Variants in ATP7B observed in about 807,000 individuals in gnomAD.
ATP7B encodes the protein ATPase copper transporting beta, also known as copper-transporting ATPase 2.
A neutral mutation model predicts 118.9 loss-of-function variants in ATP7B; 113 were observed. The ratio of observed to expected loss-of-function variants is 0.95; its 90% CI spans 0.82 to 1.11. ATP7B has a LOEUF of 1.11. ATP7B is among the 50% of genes most tolerant of loss of function. The pLI is 0.00. For missense variants in ATP7B, 1,867 were observed against 1,871.4 expected, an observed-to-expected ratio of 1.00 and a Z score of 0.04; for synonymous variants, 777 against 727.4, an observed-to-expected ratio of 1.07 and a Z score of -1.10.
rs1228359983 is a variant in ATP7B, at chr13:51,949,734, CATG to C, written c.2790_2792del (p.Ile930del). On this transcript the variant is annotated inframe_deletion, in exon 12 of 21. Coordinates refer to ENST00000242839, the MANE Select transcript of ATP7B (RefSeq NM_000053.4). ...TCCATACCACCAACGTCAAAGTTGA[CATG>C]ATGATGATAAATGGGACAAAATATC... is the stretch of plus-strand genomic sequence containing the variant. The C allele has an allele frequency of 1.2e-6, 2 of 1,613,978 alleles. No individual in the cohort carries two copies. Among genetic ancestry groups the C allele is most frequent in the Admixed American group, 1.7e-5 (1 of 60,000 alleles).
At position 51,966,777 on chromosome 13, in the gene ATP7B, C is replaced by A. The variant is rs1951571096; in HGVS notation, c.1707+1667G>T. 6.9e-6 allele frequency: 11 copies of A among 1,602,076 alleles called. No homozygotes were observed. In the South Asian group the frequency reaches 1.2e-4, roughly 18 times the overall value. On this transcript the variant is annotated intron_variant, in intron 4 of 20. Coordinates refer to ENST00000242839, the MANE Select transcript of ATP7B (RefSeq NM_000053.4). ...TTCAGCAGCTGGAAGGAAGATGGCG[C>A]CTGCTGGACAGCAAAGGCTTTGATG...
chr13:51,970,591 T>C lies in ATP7B; in HGVS notation c.1444A>G (p.Thr482Ala), dbSNP rs749804531. The C allele has an allele frequency of 3.1e-6, 5 of 1,614,070 alleles. No individual in the cohort carries two copies. In the East Asian group the frequency reaches 8.9e-5, roughly 29 times the overall value. ...CACTTCTGCGGTGCCACTGCTCTGG[T>C]TGATTGTGGGGACTTTGCCAAGATG... is the stretch of plus-strand genomic sequence containing the variant. ...PDILAKSPQS[T>A]RAVAPQKCFL... The change falls in exon 3 of 21, where the codon ACC becomes GCC. Residue 482 changes from threonine to alanine, a missense_variant. Physicochemically the swap from Thr to Ala is moderately conservative, Grantham distance 58 (BLOSUM62 0). Coordinates refer to ENST00000242839, the MANE Select transcript of ATP7B (RefSeq NM_000053.4).
Position 52,000,577 on chromosome 13 carries a change from T to C in ATP7B, c.51+10710A>G, listed in dbSNP as rs536109872. Among the ~76,000 whole-genome samples the C allele has an allele frequency of 2.6e-5, 4 of 152,356 alleles. No individual in the cohort carries two copies. In the South Asian group the frequency reaches 6.2e-4, roughly 24 times the overall value. The stretch of plus-strand genomic sequence containing the variant: ...AAATGCCTCATCACCATCTCCTCGG[T>C]GTTTCATATGCATCGCAAACTTAAC... On this transcript the variant is annotated intron_variant, in intron 1 of 20. Transcript: ENST00000242839.
intron 13 of ATP7B, among the ~76,000 whole-genome samples, chr13:51,945,909 C>T (rs947815379): frequency 1.3e-5 from 2 of 152,190 alleles, no homozygotes; most frequent in Non-Finnish European, 2.9e-5. Flanking sequence ...ACAGATGTCA[C>T]GGTGGGGCTT....
Position 51,937,633 on chromosome 13 carries a change from A to T in ATP7B, c.3746T>A (p.Val1249Glu). The change falls in exon 18 of 21, where the codon GTG becomes GAG. Residue 1249 changes from valine (V) to glutamate (E), a missense_variant. Val to Glu is a moderately radical substitution (Grantham distance 121). Coordinates refer to ENST00000242839, the MANE Select transcript of ATP7B (RefSeq NM_000053.4). The stretch of plus-strand genomic sequence containing the variant: ...ATTCTGGAGCTCCTGGACCTTGGCC[A>T]CCTTGTGCGAAGGCAGCACCTCTGC... ...VFAEVLPSHK[V>E]AKVQELQNKG... The T allele has an allele frequency of 6.2e-7, 1 of 1,614,256 alleles. No homozygotes were observed. The highest frequency in any genetic ancestry group is 8.5e-7 in the Non-Finnish European group (1 of 1,180,048).
At position 51,958,549 on chromosome 13, in the gene ATP7B, A is replaced by G; in HGVS notation, c.2122-5T>C. 1 of 1,613,444 alleles carries G rather than the reference A, an allele frequency of 6.2e-7. No homozygotes were observed. The highest frequency in any genetic ancestry group is 8.5e-7 in the Non-Finnish European group (1 of 1,179,344). ...GAAGTACCACCCACCGAGGAGCTGA[A>G]AGACAAGGACAGTGAAGGCTGCCAG... On this transcript the variant is annotated splice_polypyrimidine_tract_variant and splice_region_variant and intron_variant, in intron 7 of 20. Coordinates refer to ENST00000242839, the MANE Select transcript of ATP7B (RefSeq NM_000053.4).
chr13:51,973,569 T>A (rs1951944906), intron 2 of ATP7B, among the ~76,000 whole-genome samples: 1 of 152,218 alleles, frequency 6.6e-6, no homozygotes, highest in African/African-American at 2.4e-5. Context: ...TGATGCCCTG[T>A]GGCACCGGAG....
chr13:52,006,316 C>T (rs368828253), intron 1 of ATP7B, among the ~76,000 whole-genome samples: 2 of 152,142 alleles, frequency 1.3e-5, no homozygotes, highest in Admixed American at 6.5e-5. Flanking sequence ...ATGTGTGTCA[C>T]GTAAAGAAGC....
At chr13:51,937,911 G>A (rs992625223) in intron 17 of ATP7B, among the ~76,000 whole-genome samples, 1 of 152,166 alleles carries the variant, frequency 6.6e-6, no homozygotes. Flanking sequence ...CAACCCCCTT[G>A]CTGGTCTCCC....
In ATP7B at chr13:51,937,358, A is replaced by G. The variant is rs896916123; in HGVS notation, c.3939T>C (p.Leu1313=). 3.1e-6 allele frequency: 5 copies of G among 1,614,098 alleles called. No individual in the cohort carries two copies. Among genetic ancestry groups the G allele is most frequent in the Non-Finnish European group, 4.2e-6 (5 of 1,180,040 alleles). Residue 1313 remains leucine (L), a synonymous_variant, in exon 19 of 21, where the codon CTT becomes CTC. Coordinates refer to ENST00000242839, the MANE Select transcript of ATP7B (RefSeq NM_000053.4). ...DLLDVVASIH[L]SKRTVRRIRI... ...GTATCCTTCGGACAGTCCTCTTGGA[A>G]AGGTGAATGCTAGCCACCACATCCA...
At chr13:51,938,214 C>G (rs1340798561) in intron 17 of ATP7B, among the ~76,000 whole-genome samples, 6 of 152,224 alleles carry the variant, frequency 3.9e-5, no homozygotes, top group African/African-American at 1.4e-4. Flanking sequence ...GCTGCCTGCT[C>G]TGTCCTGGGA....
chr13:52,012,030 G>A (rs1954055422), upstream of ATP7B: 2 of 384,288 alleles, frequency 5.2e-6, no homozygotes, highest in Admixed American at 8.2e-5. Flanking sequence ...CTGGAAAATC[G>A]ATCCGCTGTG....
At chr13:51,993,139 T>C (rs1953008702) in intron 1 of ATP7B, among the ~76,000 whole-genome samples, 2 of 152,210 alleles carry the variant, frequency 1.3e-5, no homozygotes, top group South Asian at 4.1e-4. Context: ...AACATAAACA[T>C]ACATACACGT....
chr13:51,974,949 C>G lies in ATP7B; in HGVS notation c.271G>C (p.Val91Leu). Residue 91 changes from valine to leucine, a missense_variant, in exon 2 of 21, where the codon GTT becomes CTT. Coordinates refer to ENST00000242839, the MANE Select transcript of ATP7B (RefSeq NM_000053.4). ...GTGGCACTGCCTTGTTCCAGGGAAACCTTCATGCTGATGATGCCTTTCAAA... is the reference window on the plus strand; with the variant it reads ...GTGGCACTGCCTTGTTCCAGGGAAAGCTTCATGCTGATGATGCCTTTCAAA... ...SNLKGIISMK[V>L]SLEQGSATVK... 1.2e-6 allele frequency: 2 copies of G among 1,614,218 alleles called. No homozygotes were observed. Among genetic ancestry groups the G allele is most frequent in the Non-Finnish European group, 1.7e-6 (2 of 1,180,036 alleles).
chr13:51,997,282 A>G (rs1238311790), intron 1 of ATP7B, among the ~76,000 whole-genome samples: 1 of 152,222 alleles, frequency 6.6e-6, no homozygotes, highest in African/African-American at 2.4e-5. Context: ...GGGTGAAAAT[A>G]TTCCCCATAA....
chr13:51,991,823 G>A (rs1362185174), intron 1 of ATP7B, among the ~76,000 whole-genome samples: 6 of 152,258 alleles, frequency 3.9e-5, no homozygotes, highest in Middle Eastern at 3.4e-3. Flanking sequence ...TCTGGTTAGC[G>A]TGCTCTTATG....
chr13:51,995,284 G>C, intron 1 of ATP7B: 1 of 984,986 alleles, frequency 1.0e-6, no homozygotes, highest in South Asian at 4.7e-5. Flanking sequence ...GCCCTTCCAG[G>C]CTTTTTAGCC....
intron 10 of ATP7B, 28 bp downstream of exon 10, chr13:51,950,244 T>TCAG: frequency 6.2e-7 from 1 of 1,614,178 alleles, no homozygotes; most frequent in Admixed American, 1.7e-5. Context: ...GATATCCTCC[T>TCAG]GAGGGAACAT....
intron 1 of ATP7B, among the ~76,000 whole-genome samples, chr13:51,983,454 C>G (rs1449110681): frequency 6.6e-6 from 1 of 152,182 alleles, no homozygotes; most frequent in Non-Finnish European, 1.5e-5. Flanking sequence ...TGGGACAGAT[C>G]ACCTGGGGCA....
Sources: allele counts gnomAD v4.1 joint callset (sites outside exome capture counted in the v4.1 genomes callset), GRCh38; gene constraint gnomAD v4.1.1; transcripts MANE v1.5; gene names NCBI Gene and HGNC (gene_info 2026-07-23, HGNC 2026-07-21).